The following ARID4B variants were observed in gnomAD, a reference collection of about 807,000 sequenced individuals.
The protein encoded by ARID4B is AT-rich interaction domain 4B, also known as AT-rich interactive domain-containing protein 4B.
ARID4B carries 26 observed loss-of-function variants against 147.5 expected under a neutral mutation model. The ratio of observed to expected loss-of-function variants is 0.18; its 90% CI spans 0.13 to 0.24. The LOEUF is 0.24. ARID4B is among the 10% of genes least tolerant of loss of function. The pLI, the probability that ARID4B is intolerant of heterozygous loss-of-function variation, is 1.00. For synonymous variants in ARID4B, 512 were observed against 507.9 expected, an observed-to-expected ratio of 1.01 and a Z score of -0.11; for missense variants, 1,179 against 1,511.5, an observed-to-expected ratio of 0.78 and a Z score of 3.65.
intron 17 of ARID4B, among the ~76,000 whole-genome samples, chr1:235,211,311 T>A (rs116606940): frequency 0.01 from 1,559 of 151,770 alleles, 23 homozygotes; most frequent in African/African-American, 0.033. Context: ...AGGCTGGGCA[T>A]TAAGAGTGAA....
At chr1:235,224,091 T>G (rs935678890) in intron 12 of ARID4B, among the ~76,000 whole-genome samples, 13 of 152,242 alleles carry the variant, frequency 8.5e-5, no homozygotes, top group African/African-American at 3.1e-4. Flanking sequence ...ATCAGGGATT[T>G]AGAAAACGTT....
intron 19 of ARID4B, among the ~76,000 whole-genome samples, chr1:235,188,234 A>C (rs1022070385): frequency 6.6e-6 from 1 of 152,222 alleles, no homozygotes; most frequent in Admixed American, 6.5e-5. Context: ...GGGGGAAAAT[A>C]CGAAAGAAAA....
chr1:235,181,383 CA>C (rs1219696959), intron 20 of ARID4B: 1 of 778,290 alleles, frequency 1.3e-6, no homozygotes, highest in Non-Finnish European at 1.9e-6. Flanking sequence ...ATGGCTCAAG[CA>C]AAGCACATTA....
intron 2 of ARID4B, among the ~76,000 whole-genome samples, chr1:235,287,191 G>A (rs12733319): frequency 0.28 from 41,862 of 152,032 alleles, 7,344 homozygotes; most frequent in South Asian, 0.53. Flanking sequence ...CCCAAGAGGC[G>A]GAGGCTGGAG....
intron 2 of ARID4B, among the ~76,000 whole-genome samples, chr1:235,314,941 TA>T (rs1195270366): frequency 1.3e-5 from 2 of 152,194 alleles, no homozygotes; most frequent in African/African-American, 4.8e-5. Context: ...TGAAACTTAC[TA>T]AAGTTATCAA....
At chr1:235,257,928 A>G (rs537710114) in intron 3 of ARID4B, among the ~76,000 whole-genome samples, 15 of 152,238 alleles carry the variant, frequency 9.9e-5, no homozygotes, top group Non-Finnish European at 2.2e-4. Flanking sequence ...AATAAACAGT[A>G]GCAGCAAACA....
chr1:235,286,925 C>T (rs2103196718), intron 2 of ARID4B, among the ~76,000 whole-genome samples: 1 of 152,266 alleles, frequency 6.6e-6, no homozygotes, highest in Non-Finnish European at 1.5e-5. Flanking sequence ...TGGGTAAAGA[C>T]ATTCTCACAT....
intron 19 of ARID4B, 126 bp from the exon 20 acceptor site, chr1:235,182,919 TATGTAAC>T: frequency 1.3e-6 from 1 of 792,646 alleles, no homozygotes; most frequent in Non-Finnish European, 1.9e-6. Flanking sequence ...CTTTTATCTC[TATGTAAC>T]ATGCAAAGAA....
intron 12 of ARID4B, among the ~76,000 whole-genome samples, chr1:235,224,085 G>T (rs950891875): frequency 4.6e-5 from 7 of 152,096 alleles, no homozygotes; most frequent in African/African-American, 1.4e-4. Flanking sequence ...ATTACAATCA[G>T]GGATTTAGAA....
chr1:235,249,450 CAT>C (rs1303172322), intron 6 of ARID4B, among the ~76,000 whole-genome samples: 7 of 152,184 alleles, frequency 4.6e-5, no homozygotes, highest in Admixed American at 1.3e-4. Flanking sequence ...CAGCAGGTAA[CAT>C]ACTCATTAAG....
chr1:235,211,934 G>A (rs1315089750), intron 17 of ARID4B, among the ~76,000 whole-genome samples: 2 of 152,076 alleles, frequency 1.3e-5, no homozygotes, highest in African/African-American at 2.4e-5. Flanking sequence ...TTCATTAATA[G>A]CCAGACCTTC....
intron 17 of ARID4B, among the ~76,000 whole-genome samples, chr1:235,202,705 ACG>A (rs1666030777): frequency 6.6e-6 from 1 of 151,886 alleles, no homozygotes; most frequent in African/African-American, 2.4e-5. Flanking sequence ...GTGTGCCACC[ACG>A]TCCAGCTAAT....
chr1:235,255,267 A>AGATCTATCTATCTATCTATC (rs1553304359), intron 5 of ARID4B, among the ~76,000 whole-genome samples: 4,433 of 137,056 alleles, frequency 0.032, 161 homozygotes, highest in South Asian at 0.049. Flanking sequence ...AGATAGATAT[A>AGATCTATCTATCTATCTATC]TATCTCTCTC....
At chr1:235,280,068 T>C (rs1017962189) in intron 2 of ARID4B, among the ~76,000 whole-genome samples, 1 of 152,206 alleles carries the variant, frequency 6.6e-6, no homozygotes, top group South Asian at 2.1e-4. Context: ...GCGCACCTTG[T>C]GAATTACCAA....
Position 235,175,352 on chromosome 1 carries a change from T to C in ARID4B, c.3496A>G (p.Lys1166Glu), listed in dbSNP as rs1439638732. 4 of 1,614,080 alleles carry C rather than the reference T, an allele frequency of 2.5e-6. No individual in the cohort carries two copies. The highest frequency in any genetic ancestry group is 3.4e-6 in the Non-Finnish European group (4 of 1,180,028). The change falls in exon 22 of 24, where the codon AAG becomes GAG. Residue 1166 changes from lysine to glutamate, a missense_variant. Around this residue, in one of 10 missense-constraint regions of ARID4B, gnomAD observed 357 missense variants for 427.3 expected, o/e 0.84. Transcript: ENST00000264183. ...GAAACTGATTTGACTGGCTGACTCT[T>C]AGTTATACTTTCACCAGCTGAAAGT... is the stretch of plus-strand genomic sequence containing the variant. ...EELSAGESIT[K>E]SQPVKSVSTG...
chr1:235,293,809 G>A (rs925999038), intron 2 of ARID4B, among the ~76,000 whole-genome samples: 22 of 150,566 alleles, frequency 1.5e-4, no homozygotes, highest in Non-Finnish European at 2.5e-4. Flanking sequence ...TAGGCATTAA[G>A]CAAAAAATAT....
At chr1:235,304,536 T>TA (rs1259253741) in intron 2 of ARID4B, among the ~76,000 whole-genome samples, 1 of 152,174 alleles carries the variant, frequency 6.6e-6, no homozygotes, top group African/African-American at 2.4e-5. Flanking sequence ...AACTGTATCT[T>TA]AGAGATTAAG....
intron 22 of ARID4B, among the ~76,000 whole-genome samples, chr1:235,173,812 ATG>A (rs1447231388): frequency 0.02 from 1,374 of 69,168 alleles, 40 homozygotes; most frequent in Non-Finnish European, 0.024. Context: ...ATATATATAT[ATG>A]TATACCTAAA....
rs76704135 is a variant in ARID4B, at chr1:235,202,514, G to A, written c.1842-6399C>T. Among the ~76,000 whole-genome samples the A allele has an allele frequency of 6.1e-3, 914 of 148,622 alleles. 3 individuals carry two copies. The highest frequency in any genetic ancestry group is 0.01 in the Middle Eastern group (3 of 294). On this transcript the variant is annotated intron_variant, in intron 17 of 23. Coordinates refer to ENST00000264183, the MANE Select transcript of ARID4B (RefSeq NM_016374.6). The stretch of plus-strand genomic sequence containing the variant: ...CATTTAACTTCTGAAGATCTAGTAT[G>A]TTCCCTGACCTACATAAAATGAAGT...
Sources: gnomAD v4.1 joint callset for allele counts (sites outside exome capture counted in the v4.1 genomes callset) on GRCh38, gnomAD v4.1.1 for gene constraint, gnomAD v4.1.1 regional missense constraint, MANE v1.5 for transcripts, NCBI Gene and HGNC (gene_info 2026-07-23, HGNC 2026-07-21) for gene names.